PGM5: variants seen among roughly 807,000 people sequenced by gnomAD.
PGM5 encodes the protein phosphoglucomutase-like protein 5.
In PGM5, 23 loss-of-function variants were observed where a neutral mutation model predicts 59.2. That is an observed-to-expected ratio of 0.39 (90% CI 0.28 to 0.55). PGM5 has a LOEUF of 0.55. Ranked by LOEUF, PGM5 falls within the 20% of genes least tolerant of loss-of-function variation. The probability of loss-of-function intolerance (pLI) is 0.66; values close to 1 mark genes in which losing one functional copy is unlikely to be tolerated. For synonymous variants in PGM5, 214 were observed against 286.0 expected (o/e 0.75, Z 2.54); for missense variants, 574 against 748.3 (o/e 0.77, Z 2.72).
At chr9:68,504,490 C>T (rs943094220) in intron 10 of PGM5, among the ~76,000 whole-genome samples, 3 of 152,246 alleles carry the variant, frequency 2.0e-5, no homozygotes, top group Admixed American at 2.0e-4. Flanking sequence ...CCACTCCAAC[C>T]GCTGTTTGGT....
At position 68,444,105 on chromosome 9, in the gene PGM5, G is replaced by A. The variant is rs551483977; in HGVS notation, c.1044-20988G>A. On this transcript the variant is annotated intron_variant, in intron 6 of 10. Transcript: ENST00000396396. The stretch of plus-strand genomic sequence containing the variant: ...GATCACTTTGCAGTTGTGAGTTCAT[G>A]ACTTTCTATTTTCAGTTGCACAGAT... 2.3e-4 allele frequency among the ~76,000 whole-genome samples: 33 copies of A among 141,952 alleles called. No individual in the cohort carries two copies. In the South Asian group the frequency reaches 7.4e-3, roughly 32 times the overall value. The allele number at this position is 141,952 out of a possible 152,430, so 93.1% of individuals were successfully genotyped here.
intron 1 of PGM5, among the ~76,000 whole-genome samples, chr9:68,369,456 A>G (rs449851): frequency 0.49 from 74,610 of 151,906 alleles, 18,541 homozygotes; most frequent in Admixed American, 0.53. Flanking sequence ...CAACAAGTGG[A>G]GCCCTTTCTT....
chr9:68,514,598 C>T (rs2132115198), intron 10 of PGM5, among the ~76,000 whole-genome samples: 1 of 151,988 alleles, frequency 6.6e-6, no homozygotes, highest in East Asian at 1.9e-4. Flanking sequence ...GAGTGAGACT[C>T]CATCTCAAAA....
chr9:68,371,504 GAAGAC>G (rs1821729333), intron 1 of PGM5: 2 of 152,158 alleles, frequency 1.3e-5, no homozygotes, highest in East Asian at 3.9e-4. Flanking sequence ...GGGATTTGGG[GAAGAC>G]AATAGAATAA....
At chr9:68,487,708 T>A (rs1304445983) in intron 9 of PGM5, among the ~76,000 whole-genome samples, 1 of 152,174 alleles carries the variant, frequency 6.6e-6, no homozygotes, top group East Asian at 1.9e-4. Context: ...GCAGAAATAA[T>A]TTTCAACAAT....
intron 10 of PGM5, among the ~76,000 whole-genome samples, chr9:68,509,577 G>T (rs978607071): frequency 5.3e-5 from 8 of 152,196 alleles, no homozygotes; most frequent in African/African-American, 1.9e-4. Flanking sequence ...GTTCCCAAGA[G>T]GAGGGGACCC....
chr9:68,452,098 A>C (rs1028494487), intron 6 of PGM5, among the ~76,000 whole-genome samples: 3 of 152,080 alleles, frequency 2.0e-5, no homozygotes, highest in Admixed American at 1.3e-4. Context: ...ATTCACCTTT[A>C]TCTCCCTCCA....
intron 6 of PGM5, chr9:68,428,829 T>C (rs1823293851): frequency 6.6e-6 from 1 of 152,252 alleles, no homozygotes; most frequent in African/African-American, 2.4e-5. Flanking sequence ...CTTCATGAAA[T>C]TTCTATGATA....
intron 6 of PGM5, among the ~76,000 whole-genome samples, chr9:68,424,971 T>G (rs1364992481): frequency 6.7e-6 from 1 of 150,080 alleles, no homozygotes; most frequent in African/African-American, 2.5e-5. Flanking sequence ...ATTATATGAT[T>G]AAACAAATTT....
At chr9:68,473,933 T>C (rs1291478941) in intron 7 of PGM5, among the ~76,000 whole-genome samples, 2 of 152,104 alleles carry the variant, frequency 1.3e-5, no homozygotes, top group South Asian at 2.1e-4. Flanking sequence ...GAGAGACCCA[T>C]GGCTGCTTTC....
In PGM5 at chr9:68,491,328, C is replaced by T. The variant is rs1824385523; in HGVS notation, c.1479+7280C>T. ...ATAGAGAGGTGATATCTAAGTTGTA[C>T]TCTGAAGAATGGGTAGAAGGCAGCC... is the stretch of plus-strand genomic sequence containing the variant. On this transcript the variant is annotated intron_variant, in intron 9 of 10. Transcript: ENST00000396396. 4.6e-5 allele frequency among the ~76,000 whole-genome samples: 7 copies of T among 152,334 alleles called. 1 individual carries two copies. The South Asian group carries it at 1.5e-3, about 32-fold the overall frequency.
chr9:68,455,016 T>C (rs1475461039), intron 6 of PGM5, among the ~76,000 whole-genome samples: 3 of 152,232 alleles, frequency 2.0e-5, no homozygotes, highest in East Asian at 3.9e-4. Context: ...GGAAGGTAAA[T>C]GCAGTCTTGA....
chr9:68,456,477 A>AT (rs782463402), intron 6 of PGM5, among the ~76,000 whole-genome samples: 20,119 of 138,644 alleles, frequency 0.15, 2,068 homozygotes, highest in East Asian at 0.37. Flanking sequence ...CGCCTGGCTA[A>AT]TTTTTTTTTT....
chr9:68,381,425 A>G (rs1164773218), intron 2 of PGM5, among the ~76,000 whole-genome samples: 4 of 151,918 alleles, frequency 2.6e-5, no homozygotes, highest in African/African-American at 9.7e-5. Context: ...ATCATAATCA[A>G]TTGGGGACAA....
At chr9:68,509,065 C>T (rs1260904624) in intron 10 of PGM5, among the ~76,000 whole-genome samples, 1 of 152,196 alleles carries the variant, frequency 6.6e-6, no homozygotes, top group Non-Finnish European at 1.5e-5. Flanking sequence ...GGTCATGCTT[C>T]ATTCACATGG....
intron 6 of PGM5, among the ~76,000 whole-genome samples, chr9:68,434,374 G>T (rs557851746): frequency 6.7e-6 from 1 of 149,336 alleles, no homozygotes; most frequent in South Asian, 2.1e-4. Context: ...TCAAAGTGAA[G>T]ATTTGAAATC....
At chr9:68,379,873 T>C (rs1273170384) in intron 2 of PGM5, among the ~76,000 whole-genome samples, 2 of 151,992 alleles carry the variant, frequency 1.3e-5, no homozygotes, top group Admixed American at 6.6e-5. Flanking sequence ...CATGATTTAA[T>C]GATAAAGAGG....
chr9:68,413,191 G>C (rs1822964255), intron 6 of PGM5, among the ~76,000 whole-genome samples: 2 of 152,128 alleles, frequency 1.3e-5, no homozygotes, highest in Non-Finnish European at 2.9e-5. Flanking sequence ...ATACCTGTCT[G>C]GCTATCTTCA....
At chr9:68,475,063 G>A (rs895524118) in intron 7 of PGM5, among the ~76,000 whole-genome samples, 1 of 151,306 alleles carries the variant, frequency 6.6e-6, no homozygotes, top group South Asian at 2.1e-4. Context: ...GCCCAGGCTG[G>A]AGTGCAGTGG....
Sources: gnomAD v4.1 joint callset for allele counts (sites outside exome capture counted in the v4.1 genomes callset) on GRCh38, gnomAD v4.1.1 for gene constraint, MANE v1.5 for transcripts, NCBI Gene and HGNC (gene_info 2026-07-23, HGNC 2026-07-21) for gene names.